ITGB2: variants seen among roughly 807,000 people sequenced by gnomAD.
ITGB2 encodes integrin subunit beta 2.
Under a neutral mutation model 86.8 loss-of-function variants are expected in ITGB2, and 56 were observed. That is an observed-to-expected ratio of 0.65 (90% CI 0.52 to 0.81). The LOEUF (loss-of-function observed/expected upper bound fraction) is 0.81. Among genes scored for constraint, ITGB2 ranks in the 30% least tolerant of loss-of-function variants. The pLI is 0.00. For missense variants in ITGB2, 948 were observed against 1,061.2 expected (o/e 0.89, Z 1.48); for synonymous variants, 457 against 450.4 (o/e 1.01, Z -0.19).
intron 12 of ITGB2, among the ~76,000 whole-genome samples, chr21:44,889,704 T>C (rs965949609): frequency 2.0e-5 from 3 of 152,180 alleles, no homozygotes; most frequent in Non-Finnish European, 4.4e-5. Context: ...TCCCCTGCCC[T>C]GCTGTGAATG....
chr21:44,913,295 CT>C (rs1207761488), intron 1 of ITGB2, among the ~76,000 whole-genome samples: 2 of 152,150 alleles, frequency 1.3e-5, no homozygotes, highest in African/African-American at 2.4e-5. Context: ...GTCTCCGCCC[CT>C]AACACAGTCG....
chr21:44,920,247 C>T (rs774804379), intron 1 of ITGB2, among the ~76,000 whole-genome samples: 5 of 152,184 alleles, frequency 3.3e-5, no homozygotes, highest in Non-Finnish European at 2.9e-5. Flanking sequence ...TGCACACACA[C>T]ACACCACACT....
At chr21:44,895,422 C>T (rs1030078889) in intron 8 of ITGB2, among the ~76,000 whole-genome samples, 2 of 152,066 alleles carry the variant, frequency 1.3e-5, no homozygotes, top group Admixed American at 6.5e-5. Flanking sequence ...ACCAGATACT[C>T]GGGAGGCTGA....
At chr21:44,903,057 T>C (rs2083988987) in intron 5 of ITGB2, among the ~76,000 whole-genome samples, 1 of 152,196 alleles carries the variant, frequency 6.6e-6, no homozygotes, top group Non-Finnish European at 1.5e-5. Flanking sequence ...GTCTTTAATG[T>C]TTAATAATTG....
chr21:44,919,117 G>C (rs1047495820), intron 1 of ITGB2, among the ~76,000 whole-genome samples: 4 of 152,004 alleles, frequency 2.6e-5, no homozygotes, highest in African/African-American at 4.8e-5. Flanking sequence ...CCCACAGCCC[G>C]CCCGGTCACC....
chr21:44,905,143 G>A (rs917610151), intron 4 of ITGB2, among the ~76,000 whole-genome samples: 9 of 152,154 alleles, frequency 5.9e-5, no homozygotes, highest in East Asian at 3.9e-4. Flanking sequence ...AAGGGGCCCC[G>A]TCCCTTCCCT....
In ITGB2 at chr21:44,903,541, G is replaced by A. The variant is rs9983887; in HGVS notation, c.329-6C>T. 2,378 of 1,613,896 alleles carry A rather than the reference G, an allele frequency of 1.5e-3. 37 individuals are homozygous for A. In the African/African-American group the frequency reaches 0.028, roughly 19 times the overall value. On this transcript the variant is annotated splice_region_variant and splice_polypyrimidine_tract_variant and intron_variant, in intron 4 of 15. Transcript: ENST00000652462. Reference sequence around the variant, plus strand: ...GTTGAACGCTGCTGCCTGGCCTGCCGGTGGGGACAGAACAAAAGGAGCCAC... The same window carrying A: ...GTTGAACGCTGCTGCCTGGCCTGCCAGTGGGGACAGAACAAAAGGAGCCAC...
chr21:44,902,703 G>A (rs549981821), intron 5 of ITGB2, among the ~76,000 whole-genome samples: 1 of 145,054 alleles, frequency 6.9e-6, no homozygotes, highest in Non-Finnish European at 1.6e-5. Flanking sequence ...ATTTGTGTGT[G>A]AGTGTGCATT....
intron 1 of ITGB2, among the ~76,000 whole-genome samples, chr21:44,915,863 A>G (rs1285089798): frequency 6.6e-6 from 1 of 152,226 alleles, no homozygotes; most frequent in Admixed American, 6.5e-5. Context: ...CCCAAGGGTC[A>G]GGGAGACGTG....
chr21:44,907,102 A>G lies in ITGB2; in HGVS notation c.148-7T>C. On this transcript the variant is annotated splice_region_variant and splice_polypyrimidine_tract_variant and intron_variant, in intron 3 of 15. Transcript: ENST00000652462. The stretch of plus-strand genomic sequence containing the variant: ...CCCCCGGCCCTGTGAAGTTCTGGGG[A>G]GGGGGAGTCAGGGGTCAGGAGGGGG... The G allele has an allele frequency of 6.3e-7, 1 of 1,586,198 alleles. No homozygotes were observed. The highest frequency in any genetic ancestry group is 8.6e-7 in the Non-Finnish European group (1 of 1,163,272).
intron 1 of ITGB2, among the ~76,000 whole-genome samples, chr21:44,927,332 AG>A (rs2084385198): frequency 6.6e-6 from 1 of 152,146 alleles, no homozygotes; most frequent in African/African-American, 2.4e-5. Context: ...GAGTCAGGTC[AG>A]TGAGGTTCAT....
At chr21:44,895,196 C>G (rs1054433549) in intron 8 of ITGB2, 136 bp from the exon 9 acceptor site, 1 of 722,110 alleles carries the variant, frequency 1.4e-6, no homozygotes, top group East Asian at 2.6e-5. Flanking sequence ...CACTTGGTCC[C>G]CAGAGTGTGT....
At chr21:44,899,282 G>A (rs2083912982) in intron 7 of ITGB2, 120 bp from the exon 8 acceptor site, 5 of 765,592 alleles carry the variant, frequency 6.5e-6, no homozygotes, top group Non-Finnish European at 1.1e-5. Context: ...CTCTGGGGAA[G>A]GCTGGAGAGG....
chr21:44,903,713 C>T (rs1243399598), intron 4 of ITGB2, among the ~76,000 whole-genome samples, 178 bp from the exon 5 acceptor site: 2 of 152,160 alleles, frequency 1.3e-5, no homozygotes, highest in Non-Finnish European at 1.5e-5. Flanking sequence ...GACATCCAGG[C>T]AGGCTGGAGT....
In ITGB2 at chr21:44,899,011, C is replaced by T. The variant is rs1249901811; in HGVS notation, c.993+56G>A. On this transcript the variant is annotated intron_variant, in intron 8 of 15. Coordinates refer to ENST00000652462, the MANE Select transcript of ITGB2 (RefSeq NM_000211.5). The stretch of plus-strand genomic sequence containing the variant: ...AGACCTGCAGTGGCGCTGGGTCTGG[C>T]CTGTGGCTGAAACATGCCCCCACCC... 8 of 1,394,474 alleles carry T rather than the reference C, an allele frequency of 5.7e-6. 1 individual carries two copies. Among genetic ancestry groups the T allele is most frequent in the East Asian group, 4.6e-5 (2 of 43,072 alleles). The allele number at this position is 1,394,474 out of a possible 1,614,324, so 86.4% of individuals were successfully genotyped here.
chr21:44,896,386 G>A (rs1057298406), intron 8 of ITGB2, among the ~76,000 whole-genome samples: 6 of 152,202 alleles, frequency 3.9e-5, no homozygotes, highest in Admixed American at 1.3e-4. Flanking sequence ...GGTTCTGGCC[G>A]GCCAGATGCA....
rs2083836188 is a variant in ITGB2 at position 44,894,566 on chromosome 21, G to GC, written c.1083+404dup. ...AGCTTGCCCAGGACAGGTGAACAGA[G>GC]CAAGAGGAATTCCACCCCCCAGGGT... On this transcript the variant is annotated intron_variant, in intron 9 of 15. Transcript: ENST00000652462. 8.7e-5 allele frequency: 29 copies of GC among 332,390 alleles called. 1 individual carries two copies. The highest frequency in any genetic ancestry group is 7.2e-4 in the South Asian group (29 of 40,128). The allele number at this position is 332,390 out of a possible 1,614,324, so 20.6% of individuals were successfully genotyped here.
chr21:44,919,508 A>T (rs1222708619), intron 1 of ITGB2, among the ~76,000 whole-genome samples: 1 of 152,106 alleles, frequency 6.6e-6, no homozygotes, highest in Non-Finnish European at 1.5e-5. Context: ...GCTGGGCTTC[A>T]CTCATGGTGA....
chr21:44,900,216 C>G, intron 7 of ITGB2, 104 bp downstream of exon 7: 1 of 1,468,786 alleles, frequency 6.8e-7, no homozygotes. Flanking sequence ...GGAATCTGCT[C>G]CTTGGGTCAG....
Sources: allele counts gnomAD v4.1 joint callset (sites outside exome capture counted in the v4.1 genomes callset), GRCh38; gene constraint gnomAD v4.1.1; transcripts MANE v1.5; gene names NCBI Gene and HGNC (gene_info 2026-07-23, HGNC 2026-07-21).